Variants in GULP1 observed in about 807,000 individuals in gnomAD.
The protein encoded by GULP1 is GULP PTB domain containing engulfment adaptor 1.
GULP1 carries 19 observed loss-of-function variants against 40.9 expected under a neutral mutation model. The observed-to-expected ratio is 0.46, with a 90% CI of 0.32 to 0.68. GULP1 has a LOEUF of 0.68. Ranked by LOEUF, GULP1 falls within the 30% of genes least tolerant of loss-of-function variation. The pLI is 0.03. For synonymous variants in GULP1, 119 were observed against 117.6 expected (o/e 1.01, Z -0.08); for missense variants, 312 against 362.2 (o/e 0.86, Z 1.12).
intron 2 of GULP1, among the ~76,000 whole-genome samples, chr2:188,391,694 C>T (rs949758304): frequency 7.2e-5 from 11 of 151,938 alleles, no homozygotes; most frequent in African/African-American, 1.4e-4. Context: ...TTGAGGTTCT[C>T]AGGGGAAATG....
chr2:188,568,287 A>T (rs79738044), intron 7 of GULP1, among the ~76,000 whole-genome samples: 1,646 of 152,264 alleles, frequency 0.011, 37 homozygotes, highest in African/African-American at 0.037. Flanking sequence ...TCTTCTTGTT[A>T]TCTGGAGGTC....
intron 5 of GULP1, among the ~76,000 whole-genome samples, chr2:188,528,536 A>G (rs756125708): frequency 1.3e-5 from 2 of 152,266 alleles, no homozygotes; most frequent in Non-Finnish European, 2.9e-5. Context: ...GATACTCACT[A>G]TATTTGTAGT....
At chr2:188,332,864 C>A (rs1467806069) in intron 1 of GULP1, among the ~76,000 whole-genome samples, 1 of 152,098 alleles carries the variant, frequency 6.6e-6, no homozygotes, top group African/African-American at 2.4e-5. Context: ...GGTGGAAAAG[C>A]AGGATCTCAA....
rs78983401 is a variant in GULP1, at chr2:188,299,358, C to T, written c.-172+7192C>T. Reference sequence around the variant, plus strand: ...AAACTTTCAAATGGAAAACAAAGAACAGGGAAGCTCAATATACTAACATAT... The same window carrying T: ...AAACTTTCAAATGGAAAACAAAGAATAGGGAAGCTCAATATACTAACATAT... On this transcript the variant is annotated intron_variant, in intron 1 of 11. Transcript: ENST00000409830. Among the ~76,000 whole-genome samples the T allele has an allele frequency of 3.5e-3, 534 of 152,252 alleles. 6 individuals are homozygous for T. The highest frequency in any genetic ancestry group is 0.02 in the South Asian group (95 of 4,826).
intron 1 of GULP1, among the ~76,000 whole-genome samples, chr2:188,345,354 A>G (rs1372973380): frequency 1.3e-5 from 2 of 152,172 alleles, no homozygotes; most frequent in Non-Finnish European, 2.9e-5. Context: ...ATCCTCTAAC[A>G]AGCTTCACTA....
intron 2 of GULP1, among the ~76,000 whole-genome samples, chr2:188,394,225 T>C (rs1295422007): frequency 6.6e-6 from 1 of 152,148 alleles, no homozygotes; most frequent in Non-Finnish European, 1.5e-5. Flanking sequence ...ATTTCTTCTG[T>C]TTATTTTTTC....
At chr2:188,568,886 C>T (rs773108727) in intron 7 of GULP1, among the ~76,000 whole-genome samples, 1 of 152,006 alleles carries the variant, frequency 6.6e-6, no homozygotes, top group Non-Finnish European at 1.5e-5. Flanking sequence ...ATTTCATAGG[C>T]ACTAAATATT....
At chr2:188,363,597 G>A (rs1156850222) in intron 1 of GULP1, among the ~76,000 whole-genome samples, 3 of 152,082 alleles carry the variant, frequency 2.0e-5, no homozygotes, top group South Asian at 2.1e-4. Context: ...AATTTTCAAG[G>A]CAAAGGGTTA....
At chr2:188,526,346 G>T (rs551862788) in intron 5 of GULP1, among the ~76,000 whole-genome samples, 23 of 152,038 alleles carry the variant, frequency 1.5e-4, no homozygotes, top group African/African-American at 3.4e-4. Context: ...GCAGATCACT[G>T]TATCCATCTA....
chr2:188,351,223 T>A (rs772494565), intron 1 of GULP1, among the ~76,000 whole-genome samples: 1 of 151,978 alleles, frequency 6.6e-6, no homozygotes, highest in Non-Finnish European at 1.5e-5. Context: ...AAGTTTAATT[T>A]TAATGAAAAT....
chr2:188,320,295 T>C (rs932059698), intron 1 of GULP1, among the ~76,000 whole-genome samples: 1 of 152,180 alleles, frequency 6.6e-6, no homozygotes, highest in African/African-American at 2.4e-5. Flanking sequence ...ACATAATGTG[T>C]TTTGAAGTAT....
chr2:188,563,524 TTTATATTTTTAAAAAA>T (rs1696855066), intron 7 of GULP1, among the ~76,000 whole-genome samples: 1 of 149,444 alleles, frequency 6.7e-6, no homozygotes, highest in Admixed American at 6.7e-5. Context: ...GTAATTTATA[TTTATATTTTTAAAAAA>T]TTATATTTTT....
rs537982529 is a variant in GULP1 at position 188,385,062 on chromosome 2, C to T, written c.-45+1173C>T. On this transcript the variant is annotated intron_variant, in intron 2 of 11. Coordinates refer to ENST00000409830, the MANE Select transcript of GULP1 (RefSeq NM_016315.4). ...GATGGTGGCCCTCTTCTCACAGCTCCACTAAGTGGTGCCCCAGTAGGGACT... is the reference window on the plus strand; with the variant it reads ...GATGGTGGCCCTCTTCTCACAGCTCTACTAAGTGGTGCCCCAGTAGGGACT... Among the ~76,000 whole-genome samples the T allele has an allele frequency of 3.3e-5, 5 of 152,246 alleles. No homozygotes were observed. In the East Asian group the frequency reaches 9.7e-4, roughly 30 times the overall value.
At chr2:188,571,634 CCT>C (rs966856667) in intron 9 of GULP1, among the ~76,000 whole-genome samples, 3 of 152,048 alleles carry the variant, frequency 2.0e-5, no homozygotes, top group African/African-American at 4.8e-5. Flanking sequence ...TTTTTTCTTG[CCT>C]CTCTCGCTGC....
At chr2:188,481,971 CTAAGA>C (rs1269966824) in intron 3 of GULP1, among the ~76,000 whole-genome samples, 1 of 151,800 alleles carries the variant, frequency 6.6e-6, no homozygotes, top group Non-Finnish European at 1.5e-5. Context: ...AAAAGTATAG[CTAAGA>C]TGACAATCCT....
At chr2:188,489,260 A>G (rs1336582286) in intron 4 of GULP1, among the ~76,000 whole-genome samples, 1 of 152,046 alleles carries the variant, frequency 6.6e-6, no homozygotes, top group Admixed American at 6.6e-5. Flanking sequence ...AAACATCCCA[A>G]ATGGTTTTGA....
intron 1 of GULP1, among the ~76,000 whole-genome samples, chr2:188,370,487 C>T (rs1393660712): frequency 6.6e-6 from 1 of 152,056 alleles, no homozygotes; most frequent in Non-Finnish European, 1.5e-5. Flanking sequence ...TATTTATGCC[C>T]TCCTCATTTA....
chr2:188,481,027 C>A (rs2061408452), intron 3 of GULP1, among the ~76,000 whole-genome samples: 1 of 151,802 alleles, frequency 6.6e-6, no homozygotes, highest in South Asian at 2.1e-4. Context: ...CTCTATATTT[C>A]CTGATGAGTT....
In GULP1 at chr2:188,361,358, C is replaced by T. The variant is rs368849248; in HGVS notation, c.-171-22405C>T. On this transcript the variant is annotated intron_variant, in intron 1 of 11. Transcript: ENST00000409830. The stretch of plus-strand genomic sequence containing the variant: ...GAATGACTCTGGCTTGTTTGAGGCA[C>T]AGCAAGAAGATTTATAGAAGATTTT... Among the ~76,000 whole-genome samples, 36 of 151,836 alleles carry T rather than the reference C, an allele frequency of 2.4e-4. No homozygotes were observed. In the South Asian group the frequency reaches 5.6e-3, roughly 24 times the overall value.
Sources: allele counts gnomAD v4.1 joint callset (sites outside exome capture counted in the v4.1 genomes callset), GRCh38; gene constraint gnomAD v4.1.1; transcripts MANE v1.5; gene names NCBI Gene and HGNC (gene_info 2026-07-23, HGNC 2026-07-21).